CCAR1: variants seen among roughly 807,000 people sequenced by gnomAD.
CCAR1 encodes the protein cell division cycle and apoptosis regulator 1.
In CCAR1, 78 loss-of-function variants were observed where a neutral mutation model predicts 163.8. That is an observed-to-expected ratio of 0.48 (90% confidence interval 0.40 to 0.57). The LOEUF is 0.57. CCAR1 is among the 20% of genes least tolerant of loss of function. CCAR1 has a pLI of 0.00. For synonymous variants in CCAR1, 443 were observed against 460.7 expected, an observed-to-expected ratio of 0.96 and a Z score of 0.49; for missense variants, 1,019 against 1,365.2, an observed-to-expected ratio of 0.75 and a Z score of 4.00.
chr10:68,769,014 G>T (rs2056568178), intron 17 of CCAR1, among the ~76,000 whole-genome samples: 1 of 152,004 alleles, frequency 6.6e-6, no homozygotes, highest in Non-Finnish European at 1.5e-5. Flanking sequence ...TCACCCTGTC[G>T]CCCAGGCTGT....
At chr10:68,766,895 A>G (rs2056542638) in intron 17 of CCAR1, among the ~76,000 whole-genome samples, 1 of 152,182 alleles carries the variant, frequency 6.6e-6, no homozygotes, top group South Asian at 2.1e-4. Flanking sequence ...TTCTTGGGAA[A>G]AAATAGATGA....
chr10:68,740,767 C>A, intron 5 of CCAR1, 106 bp downstream of exon 5: 1 of 834,054 alleles, frequency 1.2e-6, no homozygotes, highest in Non-Finnish European at 1.9e-6. Flanking sequence ...TTGTTAGATT[C>A]ACCTAATAAT....
intron 10 of CCAR1, among the ~76,000 whole-genome samples, chr10:68,752,211 C>A (rs1196861711): frequency 6.6e-6 from 1 of 152,096 alleles, no homozygotes; most frequent in Admixed American, 6.5e-5. Flanking sequence ...AGCCACCGCA[C>A]CCGGCCTCAC....
chr10:68,738,488 A>G (rs914873776), intron 4 of CCAR1, among the ~76,000 whole-genome samples: 5 of 152,292 alleles, frequency 3.3e-5, no homozygotes, highest in Non-Finnish European at 7.4e-5. Flanking sequence ...TTGGACTGTT[A>G]TGCTCCTGTC....
At chr10:68,772,482 CA>C (rs1021882485) in intron 18 of CCAR1, among the ~76,000 whole-genome samples, 2 of 136,886 alleles carry the variant, frequency 1.5e-5, no homozygotes, top group Non-Finnish European at 3.2e-5. Context: ...GACTGTGTCT[CA>C]AAAAAAACAA....
intron 23 of CCAR1, 73 bp downstream of exon 23, chr10:68,788,401 T>C (rs1418446976): frequency 6.0e-6 from 6 of 996,988 alleles, no homozygotes; most frequent in African/African-American, 1.6e-5. Context: ...TGTGTGTACA[T>C]ACATATATAC....
chr10:68,768,214 A>C (rs866396541), intron 17 of CCAR1, among the ~76,000 whole-genome samples: 6 of 152,314 alleles, frequency 3.9e-5, no homozygotes, highest in Admixed American at 3.9e-4. Context: ...ATAAATATTA[A>C]ATTATGTCCA....
chr10:68,775,771 A>G (rs2056659509), intron 19 of CCAR1, among the ~76,000 whole-genome samples: 2 of 131,896 alleles, frequency 1.5e-5, no homozygotes, highest in African/African-American at 5.9e-5. Context: ...ATCTCAGCTC[A>G]CTGCAACCTC....
intron 21 of CCAR1, chr10:68,787,031 G>A (rs1589195700): frequency 1.0e-5 from 2 of 199,534 alleles, no homozygotes; most frequent in East Asian, 3.5e-4. Flanking sequence ...GTTGCAATGA[G>A]CCAAGATCAC....
At chr10:68,774,980 A>T in intron 19 of CCAR1, 1 of 384,020 alleles carries the variant, frequency 2.6e-6, no homozygotes, top group Non-Finnish European at 4.9e-6. Flanking sequence ...ACTTTTATTT[A>T]CGGTATATTT....
At chr10:68,764,999 A>G (rs1350344345) in intron 16 of CCAR1, among the ~76,000 whole-genome samples, 1 of 152,224 alleles carries the variant, frequency 6.6e-6, no homozygotes, top group Non-Finnish European at 1.5e-5. Flanking sequence ...TCCGAATTTT[A>G]TAAACGTAGT....
chr10:68,785,223 CTTT>C (rs762164164), intron 19 of CCAR1, among the ~76,000 whole-genome samples: 3 of 136,990 alleles, frequency 2.2e-5, no homozygotes, highest in Admixed American at 7.4e-5. Context: ...GGCCCTATAA[CTTT>C]TTTTTTTTTT....
chr10:68,732,534 A>G (rs1381953120), intron 2 of CCAR1, among the ~76,000 whole-genome samples: 1 of 151,932 alleles, frequency 6.6e-6, no homozygotes, highest in Non-Finnish European at 1.5e-5. Context: ...GTTTTAATAG[A>G]GATGGGGTTT....
chr10:68,778,843 A>G (rs1292628888), intron 19 of CCAR1, among the ~76,000 whole-genome samples: 2 of 151,620 alleles, frequency 1.3e-5, no homozygotes, highest in African/African-American at 4.8e-5. Context: ...AGTTTCCTGG[A>G]GACTACTCTT....
intron 10 of CCAR1, 36 bp from the exon 11 acceptor site, chr10:68,753,816 A>T: frequency 7.2e-7 from 1 of 1,388,838 alleles, no homozygotes; most frequent in Non-Finnish European, 1.0e-6. Flanking sequence ...CTTTTTTATT[A>T]AGGCTATTTA....
chr10:68,780,895 C>T (rs1293928386), intron 19 of CCAR1, among the ~76,000 whole-genome samples: 1 of 152,038 alleles, frequency 6.6e-6, no homozygotes, highest in East Asian at 1.9e-4. Context: ...TATCTCTGTC[C>T]CTCTTATTGG....
chr10:68,766,150 T>G lies in CCAR1; in HGVS notation c.2298+71T>G, dbSNP rs575598428. The G allele has an allele frequency of 6.5e-6, 6 of 925,134 alleles. No homozygotes were observed. In the African/African-American group the frequency reaches 1.0e-4, roughly 16 times the overall value. 57.3% of individuals were successfully genotyped at this position (925,134 alleles called of 1,614,324 possible). Reference sequence around the variant, plus strand: ...TATGACTAGTTAATATATCTCTATCTCTGAAATCTTTTTTCTTTGTTTTTC... The same window carrying G: ...TATGACTAGTTAATATATCTCTATCGCTGAAATCTTTTTTCTTTGTTTTTC... On this transcript the variant is annotated intron_variant, in intron 17 of 24. Coordinates refer to ENST00000265872, the MANE Select transcript of CCAR1 (RefSeq NM_018237.4).
chr10:68,744,540 T>G (rs2056227325), intron 6 of CCAR1, among the ~76,000 whole-genome samples: 1 of 152,222 alleles, frequency 6.6e-6, no homozygotes, highest in African/African-American at 2.4e-5. Flanking sequence ...TAATAATTTT[T>G]AAAAGTTCCT....
chr10:68,745,030 A>T (rs953464233), intron 6 of CCAR1, among the ~76,000 whole-genome samples: 6 of 151,866 alleles, frequency 4.0e-5, no homozygotes, highest in Non-Finnish European at 7.4e-5. Flanking sequence ...TTTGAGACAG[A>T]GTTTCTCTCT....
Sources: allele counts gnomAD v4.1 joint callset (sites outside exome capture counted in the v4.1 genomes callset), GRCh38; gene constraint gnomAD v4.1.1; transcripts MANE v1.5; gene names NCBI Gene and HGNC (gene_info 2026-07-23, HGNC 2026-07-21).